F13A1: variants seen among roughly 807,000 people sequenced by gnomAD.
The protein encoded by F13A1 is coagulation factor XIII A chain.
F13A1 carries 47 observed loss-of-function variants against 80.1 expected under a neutral mutation model. That is an observed-to-expected ratio of 0.59 (90% CI 0.46 to 0.75). The LOEUF (loss-of-function observed/expected upper bound fraction) is 0.75. Ranked by LOEUF, F13A1 falls within the 30% of genes least tolerant of loss-of-function variation. The pLI is 0.00. For missense variants in F13A1, 817 were observed against 930.4 expected (o/e 0.88, Z 1.59); for synonymous variants, 349 against 344.9 (o/e 1.01, Z -0.13).
chr6:6,171,110 G>A (rs1760764760), intron 12 of F13A1, among the ~76,000 whole-genome samples: 1 of 152,184 alleles, frequency 6.6e-6, no homozygotes, highest in Non-Finnish European at 1.5e-5. Flanking sequence ...AGGAGATTAT[G>A]AGACAGGACA....
chr6:6,178,043 GA>G (rs1403027173), intron 11 of F13A1, among the ~76,000 whole-genome samples: 542 of 40,762 alleles, frequency 0.013, 7 homozygotes, highest in African/African-American at 0.041. Flanking sequence ...GCCACAGGGA[GA>G]GGGGGGGGGG....
chr6:6,306,742 T>C (rs1758517996), intron 2 of F13A1, among the ~76,000 whole-genome samples: 1 of 152,246 alleles, frequency 6.6e-6, no homozygotes, highest in Non-Finnish European at 1.5e-5. Context: ...TGATGCATGA[T>C]TTGCCTTCAT....
chr6:6,232,495 A>G (rs1201534896), intron 6 of F13A1, among the ~76,000 whole-genome samples: 1 of 152,226 alleles, frequency 6.6e-6, no homozygotes, highest in East Asian at 1.9e-4. Flanking sequence ...ACAGTAAGAC[A>G]ATAGTAGTGG....
At chr6:6,175,246 T>A (rs903360418) in intron 11 of F13A1, among the ~76,000 whole-genome samples, 1 of 152,214 alleles carries the variant, frequency 6.6e-6, no homozygotes, top group Non-Finnish European at 1.5e-5. Flanking sequence ...GGACCTCTAA[T>A]AATTGGAAAT....
intron 3 of F13A1, among the ~76,000 whole-genome samples, chr6:6,289,004 A>G (rs1416987816): frequency 6.6e-6 from 1 of 152,116 alleles, no homozygotes; most frequent in Non-Finnish European, 1.5e-5. Context: ...AAATCACTTA[A>G]TCCCTGTGAA....
intron 3 of F13A1, among the ~76,000 whole-genome samples, chr6:6,285,929 G>A (rs902709235): frequency 1.3e-5 from 2 of 152,214 alleles, no homozygotes; most frequent in Non-Finnish European, 2.9e-5. Flanking sequence ...TTCCTCCAGG[G>A]ACACTCAACT....
intron 8 of F13A1, among the ~76,000 whole-genome samples, chr6:6,198,098 A>T: frequency 6.6e-6 from 1 of 152,242 alleles, no homozygotes; most frequent in Admixed American, 6.5e-5. Context: ...GTCTTAGACT[A>T]TTACTGTAGA....
Position 6,195,868 on chromosome 6 carries a change from G to A in F13A1, c.1234C>T (p.Pro412Ser). 1 of 1,614,154 alleles carries A rather than the reference G, an allele frequency of 6.2e-7. No homozygotes were observed. Among genetic ancestry groups the A allele is most frequent in the Non-Finnish European group, 8.5e-7 (1 of 1,180,024 alleles). ...ENSDGMYRCG[P>S]ASVQAIKHGH... Reference sequence around the variant, plus strand: ...TGCTTGATGGCTTGAACCGAGGCGGGGCCACACCGATACATGCCTGCATTG... The same window carrying A: ...TGCTTGATGGCTTGAACCGAGGCGGAGCCACACCGATACATGCCTGCATTG... The change falls in exon 10 of 15, where the codon CCC becomes TCC. Residue 412 changes from proline to serine, a missense_variant. Transcript: ENST00000264870.
chr6:6,276,833 T>C (rs925582533), intron 3 of F13A1, among the ~76,000 whole-genome samples: 20 of 152,306 alleles, frequency 1.3e-4, no homozygotes, highest in African/African-American at 4.8e-4. Context: ...ATGGCTATAA[T>C]AGCAAAGAAA....
chr6:6,262,688 C>G (rs1167924097), intron 4 of F13A1, among the ~76,000 whole-genome samples: 1 of 150,234 alleles, frequency 6.7e-6, no homozygotes, highest in East Asian at 2.0e-4. Flanking sequence ...CAACACATGA[C>G]TTTGCTTTAC....
intron 13 of F13A1, among the ~76,000 whole-genome samples, chr6:6,163,845 G>C (rs529072869): frequency 6.6e-6 from 1 of 152,294 alleles, no homozygotes; most frequent in East Asian, 1.9e-4. Flanking sequence ...TGGGATTGCT[G>C]GGTCAAATGG....
intron 5 of F13A1, 32 bp from the exon 6 acceptor site, chr6:6,248,451 A>T (rs773477271): frequency 6.4e-7 from 1 of 1,564,680 alleles, no homozygotes; most frequent in South Asian, 1.1e-5. Context: ...AAGAGAAACT[A>T]GTGTTCACTC....
intron 8 of F13A1, among the ~76,000 whole-genome samples, chr6:6,202,082 ATTTATT>A (rs1373143512): frequency 6.6e-6 from 1 of 151,214 alleles, no homozygotes; most frequent in East Asian, 1.9e-4. Context: ...TACCTCCCAT[ATTTATT>A]TTTGTGGTGC....
intron 8 of F13A1, among the ~76,000 whole-genome samples, chr6:6,212,902 T>C (rs1222777001): frequency 6.6e-6 from 1 of 152,134 alleles, no homozygotes; most frequent in Admixed American, 6.5e-5. Flanking sequence ...CAGGAGCCGA[T>C]GCGATCAACT....
Position 6,167,533 on chromosome 6 carries a change from A to G in F13A1, c.1833T>C (p.Ala611=), listed in dbSNP as rs143769071. The change falls in exon 13 of 15, where the codon GCT becomes GCC. Residue 611 remains alanine, a synonymous_variant. Transcript: ENST00000264870. ...EQASLHFFVT[A]RINETRDVLA... ...GAACATCCCTGGTCTCATTGATGCG[A>G]GCTGTGACAAAGAAGTGCAGGGACG... The G allele has an allele frequency of 5.2e-5, 84 of 1,614,042 alleles. No homozygotes were observed. In the African/African-American group the frequency reaches 1.1e-3, roughly 20 times the overall value.
At chr6:6,307,060 A>G (rs1301027549) in intron 2 of F13A1, among the ~76,000 whole-genome samples, 1 of 152,152 alleles carries the variant, frequency 6.6e-6, no homozygotes, top group Non-Finnish European at 1.5e-5. Context: ...TCAGAATCTG[A>G]ATTTTCTTAT....
intron 14 of F13A1, among the ~76,000 whole-genome samples, chr6:6,146,282 A>G (rs1337944980): frequency 6.6e-6 from 1 of 152,214 alleles, no homozygotes; most frequent in African/African-American, 2.4e-5. Flanking sequence ...CATCTGGAAT[A>G]TAGCCCTGCC....
At chr6:6,184,394 C>T (rs1002189083) in intron 10 of F13A1, among the ~76,000 whole-genome samples, 1 of 152,218 alleles carries the variant, frequency 6.6e-6, no homozygotes, top group Non-Finnish European at 1.5e-5. Context: ...TCCACACTTG[C>T]GGCTCAGATT....
chr6:6,155,055 T>C (rs572293763), intron 13 of F13A1, among the ~76,000 whole-genome samples: 2 of 152,316 alleles, frequency 1.3e-5, no homozygotes, highest in Admixed American at 6.5e-5. Context: ...ACAAGATATA[T>C]ACAATATGGG....
Sources: gnomAD v4.1 joint callset for allele counts (sites outside exome capture counted in the v4.1 genomes callset) on GRCh38, gnomAD v4.1.1 for gene constraint, MANE v1.5 for transcripts, NCBI Gene and HGNC (gene_info 2026-07-23, HGNC 2026-07-21) for gene names.